Variants in CEP126 observed in about 807,000 individuals in gnomAD.
CEP126 encodes centrosomal protein of 126 kDa.
CEP126 carries 74 observed loss-of-function variants against 107.8 expected under a neutral mutation model. The ratio of observed to expected loss-of-function variants is 0.69; its 90% CI spans 0.57 to 0.83. The LOEUF is 0.83. Ranked by LOEUF, CEP126 falls within the 40% of genes least tolerant of loss-of-function variation. CEP126 has a pLI of 0.00. For missense variants in CEP126, 1,237 were observed against 1,281.9 expected, an observed-to-expected ratio of 0.96 and a Z score of 0.53; for synonymous variants, 449 against 446.0, an observed-to-expected ratio of 1.01 and a Z score of -0.08.
At chr11:101,968,170 G>A (rs1941079968) in intron 6 of CEP126, among the ~76,000 whole-genome samples, 1 of 152,056 alleles carries the variant, frequency 6.6e-6, no homozygotes, top group African/African-American at 2.4e-5. Context: ...TTTAGCGGGA[G>A]ATTAGACTTA....
chr11:101,921,706 CA>C (rs1169976779), intron 1 of CEP126, among the ~76,000 whole-genome samples: 131 of 49,430 alleles, frequency 2.7e-3, no homozygotes, highest in East Asian at 0.017. Context: ...GACTCTGTCT[CA>C]AAAAAAAAAA....
Position 101,975,979 on chromosome 11 carries a change from C to A in CEP126, c.2846-2368C>A, listed in dbSNP as rs200333865. On this transcript the variant is annotated intron_variant, in intron 6 of 10. Transcript: ENST00000263468. ...CGTACCACATTTTTATCCAATCTAC[C>A]ATTGATGGACATTTAGGTTGATTCC... Among the ~76,000 whole-genome samples, 43 of 152,240 alleles carry A rather than the reference C, an allele frequency of 2.8e-4. 1 individual carries two copies. In the East Asian group the frequency reaches 8.1e-3, roughly 29 times the overall value.
intron 2 of CEP126, among the ~76,000 whole-genome samples, chr11:101,927,175 G>C (rs1940425115): frequency 6.6e-6 from 1 of 152,134 alleles, no homozygotes. Context: ...TGTGGCGCAT[G>C]CCTGTAATCC....
At chr11:101,944,460 T>A (rs751548871) in intron 3 of CEP126, 50 bp downstream of exon 3, 1 of 1,505,358 alleles carries the variant, frequency 6.6e-7, no homozygotes, top group Non-Finnish European at 9.0e-7. Flanking sequence ...TAATCTCATT[T>A]GACTTGAGTA....
chr11:101,938,432 G>T (rs1940623166), intron 2 of CEP126, among the ~76,000 whole-genome samples: 1 of 143,634 alleles, frequency 7.0e-6, no homozygotes, highest in African/African-American at 2.6e-5. Flanking sequence ...TACTTCATCA[G>T]TTTATTTTCT....
In CEP126 at chr11:101,923,704, G is replaced by A. The variant is rs185012219; in HGVS notation, c.248+944G>A. On this transcript the variant is annotated intron_variant, in intron 2 of 10. Coordinates refer to ENST00000263468, the MANE Select transcript of CEP126 (RefSeq NM_020802.4). The stretch of plus-strand genomic sequence containing the variant: ...CTTTTCTCCTACCTTTGGGCTCCTG[G>A]CATCTATAAACGGCGTGTGACAGGT... 2.6e-5 allele frequency among the ~76,000 whole-genome samples: 4 copies of A among 152,196 alleles called. No individual in the cohort carries two copies. The East Asian group carries it at 5.8e-4, about 22-fold the overall frequency.
chr11:101,915,118 A>T lies in CEP126; in HGVS notation c.-167A>T, dbSNP rs1940171435. ...AGCTGCCATCGCCGCTACAGGCACC[A>T]GTGCCGCTGCGCGGGAGCTAGGGCT... On this transcript the variant is annotated 5_prime_UTR_variant, in exon 1 of 11. Coordinates refer to ENST00000263468, the MANE Select transcript of CEP126 (RefSeq NM_020802.4). The T allele has an allele frequency of 3.0e-6, 3 of 1,016,712 alleles. No individual in the cohort carries two copies. The highest frequency in any genetic ancestry group is 2.9e-5 in the Admixed American group (1 of 34,082). 63.0% of individuals were successfully genotyped at this position (1,016,712 alleles called of 1,614,324 possible).
chr11:101,916,122 G>T (rs1940206517), intron 1 of CEP126: 1 of 152,232 alleles, frequency 6.6e-6, no homozygotes, highest in Admixed American at 6.5e-5. Context: ...CTGTTGTGAT[G>T]ATTAGGATTT....
intron 4 of CEP126, among the ~76,000 whole-genome samples, chr11:101,952,730 T>C (rs947946061): frequency 2.0e-5 from 3 of 152,196 alleles, no homozygotes; most frequent in African/African-American, 7.2e-5. Flanking sequence ...TTTGAGACAC[T>C]TATGAGATAT....
intron 2 of CEP126, among the ~76,000 whole-genome samples, chr11:101,937,969 A>C (rs1181347517): frequency 2.0e-5 from 3 of 150,774 alleles, no homozygotes; most frequent in Non-Finnish European, 3.0e-5. Flanking sequence ...CTGGCTAACA[A>C]GGTGAAACCC....
Position 101,917,603 on chromosome 11 carries a change from TAA to T in CEP126, c.128+2206_128+2207del, listed in dbSNP as rs199615063. On this transcript the variant is annotated intron_variant, in intron 1 of 10. Coordinates refer to ENST00000263468, the MANE Select transcript of CEP126 (RefSeq NM_020802.4). The stretch of plus-strand genomic sequence containing the variant: ...TGAGAGTTCAAATAGAAATGGAATT[TAA>T]AAAAAAAAAAAAAAGGAAGGTCTCT... Among the ~76,000 whole-genome samples, 158 of 137,916 alleles carry T rather than the reference TAA, an allele frequency of 1.1e-3. 1 individual carries two copies. Among genetic ancestry groups the T allele is most frequent in the East Asian group, 4.1e-3 (20 of 4,906 alleles). The allele number at this position is 137,916 out of a possible 152,430, so 90.5% of individuals were successfully genotyped here.
intron 4 of CEP126, among the ~76,000 whole-genome samples, chr11:101,957,609 A>C (rs182010774): frequency 3.3e-4 from 50 of 152,292 alleles, no homozygotes; most frequent in African/African-American, 1.1e-3. Context: ...AATAACTGAA[A>C]ATAAGTGAGT....
At chr11:101,932,120 C>T (rs571475872) in intron 2 of CEP126, among the ~76,000 whole-genome samples, 1 of 152,328 alleles carries the variant, frequency 6.6e-6, no homozygotes, top group African/African-American at 2.4e-5. Flanking sequence ...AAATCTTTCT[C>T]ATTTTTATTG....
intron 2 of CEP126, among the ~76,000 whole-genome samples, chr11:101,939,671 T>G (rs765101309): frequency 6.6e-6 from 1 of 152,234 alleles, no homozygotes. Context: ...AACAAATAAC[T>G]TTTGTTTCCT....
intron 1 of CEP126, among the ~76,000 whole-genome samples, chr11:101,922,322 G>C (rs150084175): frequency 4.6e-5 from 7 of 151,786 alleles, no homozygotes; most frequent in Non-Finnish European, 1.0e-4. Context: ...GCACCACCAC[G>C]TCCAGCTAAT....
intron 6 of CEP126, among the ~76,000 whole-genome samples, chr11:101,965,579 A>G (rs2137115399): frequency 6.6e-6 from 1 of 152,318 alleles, no homozygotes; most frequent in Non-Finnish European, 1.5e-5. Flanking sequence ...TTTTTTATCC[A>G]GTCATTTCAG....
At chr11:101,982,350 G>A (rs1014337036) in intron 8 of CEP126, among the ~76,000 whole-genome samples, 7 of 152,078 alleles carry the variant, frequency 4.6e-5, no homozygotes, top group East Asian at 1.9e-4. Flanking sequence ...AGTATTTTCC[G>A]GAAAAGTATT....
intron 2 of CEP126, among the ~76,000 whole-genome samples, chr11:101,938,315 G>T (rs1940620936): frequency 6.7e-6 from 1 of 149,802 alleles, no homozygotes; most frequent in African/African-American, 2.5e-5. Flanking sequence ...ATTAATTTTT[G>T]TTTTCCCTTT....
chr11:101,994,450 A>G (rs926693039), intron 10 of CEP126, among the ~76,000 whole-genome samples: 1 of 152,132 alleles, frequency 6.6e-6, no homozygotes, highest in Non-Finnish European at 1.5e-5. Context: ...ACCAAGGCCT[A>G]TGTCCAGGAT....
Sources: gnomAD v4.1 joint callset for allele counts (sites outside exome capture counted in the v4.1 genomes callset) on GRCh38, gnomAD v4.1.1 for gene constraint, MANE v1.5 for transcripts, NCBI Gene and HGNC (gene_info 2026-07-23, HGNC 2026-07-21) for gene names.